The following MUC4 variants were observed in gnomAD, a reference collection of about 807,000 sequenced individuals.
MUC4 encodes mucin 4, cell surface associated, also known as mucin-4.
A neutral mutation model predicts 257.9 loss-of-function variants in MUC4; 202 were observed. The ratio of observed to expected loss-of-function variants is 0.78; its 90% CI spans 0.70 to 0.88. MUC4 has a LOEUF of 0.88. MUC4 is among the 40% of genes least tolerant of loss of function. The pLI, the probability that MUC4 is intolerant of heterozygous loss-of-function variation, is 0.00. For synonymous variants in MUC4, 2,351 were observed against 2,757.1 expected (o/e 0.85, Z 4.62); for missense variants, 5,976 against 6,513.7 (o/e 0.92, Z 2.84).
chr3:195,765,744 A>C (rs1308888700), intron 8 of MUC4, among the ~76,000 whole-genome samples: 1 of 152,238 alleles, frequency 6.6e-6, no homozygotes, highest in Non-Finnish European at 1.5e-5. Flanking sequence ...CATTTTGGAA[A>C]CTATTATTTC....
intron 6 of MUC4, 117 bp from the exon 7 acceptor site, chr3:195,769,269 T>G: frequency 7.0e-7 from 1 of 1,434,604 alleles, no homozygotes; most frequent in Non-Finnish European, 9.4e-7. Flanking sequence ...CTGTTCCTGG[T>G]CTGCCCACAG....
In MUC4 at chr3:195,782,201, A is replaced by C. The variant is rs1457008956; in HGVS notation, c.9379T>G (p.Ser3127Ala). The C allele has an allele frequency of 4.3e-6, 6 of 1,385,964 alleles. 1 individual carries two copies. In the East Asian group the frequency reaches 1.5e-4, roughly 34 times the overall value. The allele number at this position is 1,385,964 out of a possible 1,614,324, so 85.9% of individuals were successfully genotyped here. A position where few individuals can be genotyped will look rare whatever the true frequency, so the allele number is the denominator to read the frequency against. The change falls in exon 2 of 25, where the codon TCC becomes GCC. Residue 3127 changes from serine (S) to alanine (A), a missense_variant. Ser to Ala is a moderately conservative substitution (Grantham distance 99). Coordinates refer to ENST00000463781, the MANE Select transcript of MUC4 (RefSeq NM_018406.7). The stretch of plus-strand genomic sequence containing the variant: ...GTGGCCTGACCTGTGGATGCTGAGG[A>C]AGTGTCGGTGACAGGAAGAGGGGTG... ...HTTPLPVTDT[S>A]SASTGQATAL...
chr3:195,771,917 G>C (rs911113881), intron 4 of MUC4, 101 bp from the exon 5 acceptor site: 2 of 1,317,536 alleles, frequency 1.5e-6, no homozygotes. Flanking sequence ...CAAGGGTAGA[G>C]CTTTAGAGAT....
rs1485884871 is a variant in MUC4, at chr3:195,782,730, A to T, written c.8850T>A (p.Thr2950=). ...TGGCGTGACCTGTGGATGCTGAGGA[A>T]GTGTCGGTGACAGGAAGAGGGGTGG... The part of the protein sequence containing the change: ...GDTTPLPVTD[T]SSASTGHATS... The change falls in exon 2 of 25, where the codon ACT becomes ACA. Residue 2950 remains threonine (T), a synonymous_variant. Coordinates refer to ENST00000463781, the MANE Select transcript of MUC4 (RefSeq NM_018406.7). The T allele has an allele frequency of 3.3e-6, 5 of 1,529,938 alleles. No homozygotes were observed. The East Asian group carries it at 1.2e-4, about 38-fold the overall frequency. 94.8% of individuals were successfully genotyped at this position (1,529,938 alleles called of 1,614,324 possible). A position where few individuals can be genotyped will look rare whatever the true frequency, so the allele number is the denominator to read the frequency against.
chr3:195,775,595 C>A (rs1724340967), intron 3 of MUC4, among the ~76,000 whole-genome samples: 8 of 134,034 alleles, frequency 6.0e-5, no homozygotes, highest in African/African-American at 2.2e-4. Context: ...CACACCCATA[C>A]CTTCCACACC....
At chr3:195,752,901 C>T in intron 20 of MUC4, 150 bp downstream of exon 20, 1 of 765,552 alleles carries the variant, frequency 1.3e-6, no homozygotes, top group Non-Finnish European at 2.0e-6. Context: ...CTCCCATAGC[C>T]CGCACCTTAC....
In MUC4 at chr3:195,810,094, G is replaced by A. The variant is rs1014367412; in HGVS notation, c.82+1642C>T. 1.3e-5 allele frequency: 2 copies of A among 152,444 alleles called. No individual in the cohort carries two copies. Among genetic ancestry groups the A allele is most frequent in the Admixed American group, 6.5e-5 (1 of 15,286 alleles). The allele number at this position is 152,444 out of a possible 1,614,324, so 9.4% of individuals were successfully genotyped here. A position where few individuals can be genotyped will look rare whatever the true frequency, so the allele number is the denominator to read the frequency against. ...CTCACGGTGGGATGAGCACTGGAGC[G>A]GGGTTGTGTGGCCAGGGTGGGGTGG... is the stretch of plus-strand genomic sequence containing the variant. On this transcript the variant is annotated intron_variant, in intron 1 of 24. Coordinates refer to ENST00000463781, the MANE Select transcript of MUC4 (RefSeq NM_018406.7). The surrounding 1 kb of genome is among the most constrained non-coding windows in gnomAD (Gnocchi z 4.2).
chr3:195,778,765 T>A (rs771865404), intron 2 of MUC4, 25 bp downstream of exon 2: 1 of 1,589,280 alleles, frequency 6.3e-7, no homozygotes, highest in Non-Finnish European at 8.6e-7. Context: ...CTGGGAGACA[T>A]AAAGGCGAGG....
Position 195,777,735 on chromosome 3 carries a change from C to T in MUC4, c.12943+568G>A, listed in dbSNP as rs1403687281. On this transcript the variant is annotated intron_variant, in intron 3 of 24. Transcript: ENST00000463781. ...CCTTCCACACCCATACCTTCCACAC[C>T]CATACCTTCCACACCCTTACCTTCC... is the stretch of plus-strand genomic sequence containing the variant. Among the ~76,000 whole-genome samples, 7 of 34,488 alleles carry T rather than the reference C, an allele frequency of 2.0e-4. 1 individual carries two copies. Among genetic ancestry groups the T allele is most frequent in the Middle Eastern group, 0.013 (1 of 78 alleles). 22.6% of individuals were successfully genotyped at this position (34,488 alleles called of 152,430 possible).
rs571842312 is a variant in MUC4, at chr3:195,780,928, G to A, written c.10652C>T (p.Thr3551Ile). Residue 3551 changes from threonine (T) to isoleucine (I), a missense_variant, in exon 2 of 25, where the codon ACC (threonine) becomes ATC (isoleucine). Transcript: ENST00000463781. ...GGAAGCGTCGGTGACAGGAAGAGGG[G>A]TGGTGTCACCTGTGGATACTGAGGA... ...SLSSVSTGDTTPLPVTDASSA... is the reference protein window; with the variant it reads ...SLSSVSTGDTIPLPVTDASSA... 3 of 1,515,942 alleles carry A rather than the reference G, an allele frequency of 2.0e-6. No individual in the cohort carries two copies. The highest frequency in any genetic ancestry group is 1.8e-6 in the Non-Finnish European group (2 of 1,123,898). The allele number at this position is 1,515,942 out of a possible 1,614,324, so 93.9% of individuals were successfully genotyped here. A position where few individuals can be genotyped will look rare whatever the true frequency, so the allele number is the denominator to read the frequency against.
In MUC4 at chr3:195,754,219, A is replaced by G; in HGVS notation, c.15322T>C (p.Cys5108Arg). Residue 5108 changes from cysteine (C) to arginine (R), a missense_variant, in exon 19 of 25, where the codon TGT becomes CGT. Physicochemically the swap from Cys to Arg is radical, Grantham distance 180. This residue lies in a region of MUC4 where 996 missense variants were observed against 1,137.3 expected (regional missense o/e 0.88). Coordinates refer to ENST00000463781, the MANE Select transcript of MUC4 (RefSeq NM_018406.7). ...GGCCCTGTTCCCGGCTCACCCGCACAGTGCCGCCCATCCCCAGTCAGGTTT... is the reference window on the plus strand; with the variant it reads ...GGCCCTGTTCCCGGCTCACCCGCACGGTGCCGCCCATCCCCAGTCAGGTTT... The part of the protein sequence containing the change: ...PPNLTGDGRH[C>R]AALGSSFLCQ... The G allele has an allele frequency of 6.2e-7, 1 of 1,612,728 alleles. No homozygotes were observed. The highest frequency in any genetic ancestry group is 8.5e-7 in the Non-Finnish European group (1 of 1,179,330).
chr3:195,791,369 A>G lies in MUC4; in HGVS notation c.211T>C (p.Ser71Pro), dbSNP rs1733846262. ...GTCTGGTGGTTCTGAGATGAAGCTG[A>G]TATGTCCTGATTAGAGGTCCTTGAA... is the stretch of plus-strand genomic sequence containing the variant. ...ASSRTSNQDI[S>P]ASSQNHQTKS... The change falls in exon 2 of 25, where the codon TCA becomes CCA. Residue 71 changes from serine (S) to proline (P), a missense_variant. Physicochemically the swap from Ser to Pro is moderately conservative, Grantham distance 74. This residue lies in a region of MUC4 where 1,583 missense variants were observed against 1,257.4 expected (regional missense o/e 1.26). Transcript: ENST00000463781. 6.2e-7 allele frequency: 1 copy of G among 1,613,934 alleles called. No homozygotes were observed. Among genetic ancestry groups the G allele is most frequent in the East Asian group, 2.2e-5 (1 of 44,886 alleles).
In MUC4 at chr3:195,788,901, A is replaced by T; in HGVS notation, c.2679T>A (p.Ser893=). Residue 893 remains serine (S), a synonymous_variant, in exon 2 of 25, where the codon TCT becomes TCA. Coordinates refer to ENST00000463781, the MANE Select transcript of MUC4 (RefSeq NM_018406.7). ...GRPTGQSSPT[S]PSASPQETAA... The stretch of plus-strand genomic sequence containing the variant: ...CTGTCTCCTGAGGAGAGGCACTGGG[A>T]GAAGTTGGGCTTGACTGTCCTGTCG... 2 of 1,613,414 alleles carry T rather than the reference A, an allele frequency of 1.2e-6. No homozygotes were observed. Among genetic ancestry groups the T allele is most frequent in the Non-Finnish European group, 8.5e-7 (1 of 1,179,730 alleles).
At chr3:195,806,694 G>A (rs975625650) in intron 1 of MUC4, among the ~76,000 whole-genome samples, 3 of 152,150 alleles carry the variant, frequency 2.0e-5, no homozygotes, top group Non-Finnish European at 4.4e-5. Flanking sequence ...GGCTGGTTTG[G>A]AGATTGCCGA....
intron 4 of MUC4, among the ~76,000 whole-genome samples, chr3:195,772,709 T>TC (rs1723256361): frequency 3.1e-5 from 1 of 32,090 alleles, no homozygotes; most frequent in African/African-American, 2.5e-4. Context: ...CACCCTCCCT[T>TC]CATCGCTCAG....
At chr3:195,754,847 A>G (rs1176076854) in intron 18 of MUC4, among the ~76,000 whole-genome samples, 3 of 151,612 alleles carry the variant, frequency 2.0e-5, no homozygotes, top group Non-Finnish European at 4.4e-5. Context: ...TGTATCATGT[A>G]TGTATCCATG....
chr3:195,805,891 A>G (rs1439012058), intron 1 of MUC4, among the ~76,000 whole-genome samples: 1 of 151,462 alleles, frequency 6.6e-6, no homozygotes, highest in Non-Finnish European at 1.5e-5. Flanking sequence ...CAAGGTAAGC[A>G]GATCACTTGA....
chr3:195,766,803 C>T (rs73892867), intron 7 of MUC4, 52 bp from the exon 8 acceptor site: 36,711 of 1,549,250 alleles, frequency 0.024, 680 homozygotes, highest in African/African-American at 0.083. Context: ...GCTCTTGCCT[C>T]GCGGTTGCAA....
At position 195,788,501 on chromosome 3, in the gene MUC4, C is replaced by T; in HGVS notation, c.3079G>A (p.Val1027Ile). 2 of 1,493,574 alleles carry T rather than the reference C, an allele frequency of 1.3e-6. No individual in the cohort carries two copies. Among genetic ancestry groups the T allele is most frequent in the Non-Finnish European group, 1.8e-6 (2 of 1,116,340 alleles). The allele number at this position is 1,493,574 out of a possible 1,614,324, so 92.5% of individuals were successfully genotyped here. A position where few individuals can be genotyped will look rare whatever the true frequency, so the allele number is the denominator to read the frequency against. The change falls in exon 2 of 25, where the codon GTC becomes ATC. Residue 1027 changes from valine to isoleucine, a missense_variant. Val to Ile is a conservative substitution (Grantham distance 29). Around this residue, in one of 44 missense-constraint regions of MUC4, gnomAD observed 1,583 missense variants for 1,257.4 expected, o/e 1.26. Transcript: ENST00000463781. ...VSTGHTTPLPVTDTSSESTGH... is the reference protein window; with the variant it reads ...VSTGHTTPLPITDTSSESTGH... ...GTGGATTCTGAGGAAGTGTCGGTGA[C>T]AGGAAGAGGGGTGGTGTGACCTGTG... is the stretch of plus-strand genomic sequence containing the variant.
Sources: gnomAD v4.1 joint callset for allele counts (sites outside exome capture counted in the v4.1 genomes callset) on GRCh38, gnomAD v4.1.1 for gene constraint, gnomAD v4.1.1 regional missense constraint, Gnocchi (gnomAD v3.1) non-coding constraint, MANE v1.5 for transcripts, NCBI Gene and HGNC (gene_info 2026-07-23, HGNC 2026-07-21) for gene names.